The following SPPL2A variants were observed in gnomAD, a reference collection of about 807,000 sequenced individuals.
SPPL2A encodes signal peptide peptidase-like 2A.
In SPPL2A, 51 loss-of-function variants were observed where a neutral mutation model predicts 63.8. The observed-to-expected ratio is 0.80, with a 90% confidence interval of 0.64 to 1.01. The LOEUF (loss-of-function observed/expected upper bound fraction) is 1.01. Ranked by LOEUF, SPPL2A falls within the 50% of genes least tolerant of loss-of-function variation. The probability of loss-of-function intolerance (pLI) is 0.00; values close to 1 mark genes in which losing one functional copy is unlikely to be tolerated. For missense variants in SPPL2A, 553 were observed against 622.7 expected (o/e 0.89, Z 1.19); for synonymous variants, 188 against 205.8 (o/e 0.91, Z 0.74).
rs746061121 is a variant in SPPL2A at position 50,726,090 on chromosome 15, AG to A, written c.1146+230del. The A allele has an allele frequency of 4.7e-6, 7 of 1,498,692 alleles. No homozygotes were observed. The South Asian group carries it at 8.4e-5, about 18-fold the overall frequency. 92.8% of individuals were successfully genotyped at this position (1,498,692 alleles called of 1,614,324 possible). A position where few individuals can be genotyped will look rare whatever the true frequency, so the allele number is the denominator to read the frequency against. On this transcript the variant is annotated intron_variant, in intron 11 of 14. Transcript: ENST00000261854. ...ATCCTTACTTTCTCATGGGGAGCTG[AG>A]GGTTGACCAGTGGCTTCCACCAAGT...
At chr15:50,726,095 T>G (rs1368367718) in intron 11 of SPPL2A, 2 of 1,502,988 alleles carry the variant, frequency 1.3e-6, no homozygotes, top group African/African-American at 2.8e-5. Flanking sequence ...AGCTGAGGGT[T>G]GACCAGTGGC....
At chr15:50,761,954 G>A (rs77408562) in intron 1 of SPPL2A, among the ~76,000 whole-genome samples, 1 of 151,524 alleles carries the variant, frequency 6.6e-6, no homozygotes, top group African/African-American at 2.4e-5. Context: ...AAGAGAGCCA[G>A]CATAAACAAT....
intron 8 of SPPL2A, among the ~76,000 whole-genome samples, chr15:50,735,391 T>C (rs75553369): frequency 0.094 from 14,252 of 151,842 alleles, 2,263 homozygotes; most frequent in African/African-American, 0.33. Context: ...CTCTCTCTCT[T>C]TCTCTCTCTC....
intron 8 of SPPL2A, 85 bp downstream of exon 8, chr15:50,736,016 T>A (rs2062768428): frequency 3.5e-6 from 3 of 863,768 alleles, no homozygotes; most frequent in Non-Finnish European, 5.5e-6. Context: ...AGCAAAAAAA[T>A]TCCATAATAA....
intron 14 of SPPL2A, among the ~76,000 whole-genome samples, chr15:50,718,674 A>G (rs1444985658): frequency 5.5e-5 from 8 of 146,032 alleles, no homozygotes; most frequent in African/African-American, 2.2e-4. Context: ...AATCTCAAAG[A>G]AATGTTAAGA....
rs868535032 is a variant in SPPL2A at position 50,712,681 on chromosome 15, T to C, written c.1489-4807A>G. Among the ~76,000 whole-genome samples, 565 of 105,474 alleles carry C rather than the reference T, an allele frequency of 5.4e-3. 6 individuals carry two copies. The highest frequency in any genetic ancestry group is 0.018 in the African/African-American group (487 of 27,544). The allele number at this position is 105,474 out of a possible 152,430, so 69.2% of individuals were successfully genotyped here. On this transcript the variant is annotated intron_variant, in intron 14 of 14. Transcript: ENST00000261854. Reference sequence around the variant, plus strand: ...CCTTCCTCCCTCCCTCCCCCCCCCTTTTTTTTTTTTTTTCTCGAGGCGGAG... The same window carrying C: ...CCTTCCTCCCTCCCTCCCCCCCCCTCTTTTTTTTTTTTTCTCGAGGCGGAG...
Position 50,765,472 on chromosome 15 carries a change from T to G in SPPL2A, c.62A>C (p.Gln21Pro), listed in dbSNP as rs2141069582. The G allele has an allele frequency of 6.7e-7, 1 of 1,503,420 alleles. No homozygotes were observed. The highest frequency in any genetic ancestry group is 2.3e-4 in the Middle Eastern group (1 of 4,276). The allele number at this position is 1,503,420 out of a possible 1,614,324, so 93.1% of individuals were successfully genotyped here. The change falls in exon 1 of 15, where the codon CAG becomes CCG. Residue 21 changes from glutamine (Q) to proline (P), a missense_variant. Physicochemically the swap from Gln to Pro is moderately conservative, Grantham distance 76 (BLOSUM62 -1). Coordinates refer to ENST00000261854, the MANE Select transcript of SPPL2A (RefSeq NM_032802.4). ...CGCGCCTTCCCGCCCCCTTACCAGC[T>G]GGAGCAGGAAGCCCCAGAGTAGGGC... ...GAALLWGFLLQLTAAQEAILH... is the reference protein window; with the variant it reads ...GAALLWGFLLPLTAAQEAILH...
chr15:50,749,946 T>C, intron 1 of SPPL2A, 200 bp from the exon 2 acceptor site: 2 of 572,344 alleles, frequency 3.5e-6, no homozygotes, highest in Admixed American at 3.2e-5. Context: ...CCAGCACACC[T>C]TCTTTAAGGA....
chr15:50,732,516 C>A, intron 9 of SPPL2A, 87 bp downstream of exon 9: 2 of 742,988 alleles, frequency 2.7e-6, no homozygotes, highest in South Asian at 1.8e-5. Context: ...CAAAAATTGG[C>A]GCATTTAATT....
chr15:50,763,716 G>C (rs1167364199), intron 1 of SPPL2A, among the ~76,000 whole-genome samples: 1 of 152,126 alleles, frequency 6.6e-6, no homozygotes, highest in African/African-American at 2.4e-5. Flanking sequence ...GACCAACATA[G>C]TGAAACCCCC....
intron 1 of SPPL2A, among the ~76,000 whole-genome samples, chr15:50,755,533 A>G (rs1327257386): frequency 7.2e-6 from 1 of 139,292 alleles, no homozygotes; most frequent in African/African-American, 2.7e-5. Flanking sequence ...AGGTGAAAGG[A>G]TTGCTTGAGG....
intron 10 of SPPL2A, 66 bp downstream of exon 10, chr15:50,730,899 A>T: frequency 5.7e-6 from 4 of 707,540 alleles, no homozygotes; most frequent in Non-Finnish European, 1.0e-5. Flanking sequence ...TTAATAATCT[A>T]GGAGCAGATT....
chr15:50,713,086 C>T (rs539454912), intron 14 of SPPL2A, among the ~76,000 whole-genome samples: 1 of 152,188 alleles, frequency 6.6e-6, no homozygotes, highest in African/African-American at 2.4e-5. Context: ...GAACTGATGT[C>T]AAAGGCCACA....
At position 50,704,934 on chromosome 15, in the gene SPPL2A, G is replaced by A. The variant is rs1005325139; in HGVS notation, c.*2866C>T. The A allele has an allele frequency of 6.6e-5, 10 of 152,074 alleles. No individual in the cohort carries two copies. Among genetic ancestry groups the A allele is most frequent in the Non-Finnish European group, 7.4e-5 (5 of 68,026 alleles). The allele number at this position is 152,074 out of a possible 1,614,324, so 9.4% of individuals were successfully genotyped here. A position where few individuals can be genotyped will look rare whatever the true frequency, so the allele number is the denominator to read the frequency against. ...AAGTAGAATTTGTATCAAGTAACTC[G>A]GATTTCAGATTTCTGGATGTACCAG... On this transcript the variant is annotated 3_prime_UTR_variant, in exon 15 of 15. Transcript: ENST00000261854.
intron 1 of SPPL2A, among the ~76,000 whole-genome samples, chr15:50,757,602 C>A (rs777468907): frequency 4.6e-5 from 7 of 152,158 alleles, no homozygotes; most frequent in Non-Finnish European, 1.0e-4. Flanking sequence ...GATCCTTACA[C>A]ACAAAGGAAG....
chr15:50,734,891 TTCTC>T (rs1027042930), intron 8 of SPPL2A, among the ~76,000 whole-genome samples: 5 of 152,034 alleles, frequency 3.3e-5, no homozygotes, highest in African/African-American at 9.7e-5. Context: ...ATAGAGTATA[TTCTC>T]TCTCTCTCTT....
rs1042819385 is a variant in SPPL2A at position 50,703,980 on chromosome 15, G to C, written c.*3820C>G. ...GTAAAATATAAGAATGCCAATAGCA[G>C]ATGGGTTAAAATTCTCTTTAAAAGA... On this transcript the variant is annotated 3_prime_UTR_variant, in exon 15 of 15. Transcript: ENST00000261854. 2.6e-5 allele frequency: 4 copies of C among 152,092 alleles called. No homozygotes were observed. The highest frequency in any genetic ancestry group is 9.7e-5 in the African/African-American group (4 of 41,410). 9.4% of individuals were successfully genotyped at this position (152,092 alleles called of 1,614,324 possible).
At chr15:50,718,912 AG>A (rs202152068) in intron 14 of SPPL2A, among the ~76,000 whole-genome samples, 2,106 of 152,178 alleles carry the variant, frequency 0.014, 41 homozygotes, top group Non-Finnish European at 0.017. Context: ...GGGTGGATGG[AG>A]GAGAGTGGTA....
intron 6 of SPPL2A, among the ~76,000 whole-genome samples, chr15:50,737,829 T>C (rs2062783745): frequency 1.3e-5 from 2 of 152,012 alleles, no homozygotes; most frequent in Middle Eastern, 3.4e-3. Context: ...CCCAACACTA[T>C]AGGAGGCCGA....
Sources: allele counts gnomAD v4.1 joint callset (sites outside exome capture counted in the v4.1 genomes callset), GRCh38; gene constraint gnomAD v4.1.1; transcripts MANE v1.5; gene names NCBI Gene and HGNC (gene_info 2026-07-23, HGNC 2026-07-21).